SPAG16: variants seen among roughly 807,000 people sequenced by gnomAD.
SPAG16 encodes the protein sperm associated antigen 16, also known as sperm-associated antigen 16 protein.
A neutral mutation model predicts 80.4 loss-of-function variants in SPAG16; 86 were observed. That is an observed-to-expected ratio of 1.07 (90% CI 0.90 to 1.28). The LOEUF (loss-of-function observed/expected upper bound fraction) is 1.28. Among genes scored for constraint, SPAG16 ranks in the 50% most tolerant of loss-of-function variants. The pLI is 0.00. For synonymous variants in SPAG16, 294 were observed against 265.9 expected (o/e 1.11, Z -1.03); for missense variants, 870 against 765.3 (o/e 1.14, Z -1.61).
intron 10 of SPAG16, among the ~76,000 whole-genome samples, chr2:213,812,218 A>G (rs1282147146): frequency 6.6e-6 from 1 of 152,216 alleles, no homozygotes; most frequent in East Asian, 1.9e-4. Context: ...AGTACCAGAG[A>G]AAAAGAGAAG....
intron 12 of SPAG16, among the ~76,000 whole-genome samples, chr2:213,999,051 A>C (rs2124858117): frequency 6.6e-6 from 1 of 152,220 alleles, no homozygotes; most frequent in South Asian, 2.1e-4. Context: ...AAAAAGAAAA[A>C]CCCATTTTCT....
chr2:214,131,461 GCTAA>G (rs1310443733), intron 14 of SPAG16, among the ~76,000 whole-genome samples: 1 of 151,778 alleles, frequency 6.6e-6, no homozygotes, highest in Non-Finnish European at 1.5e-5. Flanking sequence ...GCCAAAAGTG[GCTAA>G]CTAAAAGTCA....
At chr2:214,156,756 T>G (rs1486178760) in intron 15 of SPAG16, among the ~76,000 whole-genome samples, 1 of 152,172 alleles carries the variant, frequency 6.6e-6, no homozygotes, top group East Asian at 1.9e-4. Flanking sequence ...GTCCTGCCCC[T>G]GTACTCTAAC....
intron 11 of SPAG16, among the ~76,000 whole-genome samples, chr2:213,883,923 G>A (rs1407747179): frequency 6.6e-6 from 1 of 152,134 alleles, no homozygotes; most frequent in African/African-American, 2.4e-5. Context: ...TATATCTCTT[G>A]AAGACAGCAG....
intron 9 of SPAG16, among the ~76,000 whole-genome samples, chr2:213,457,107 C>T (rs1421651777): frequency 6.6e-6 from 1 of 152,062 alleles, no homozygotes; most frequent in African/African-American, 2.4e-5. Context: ...AGAAATCATG[C>T]CTTATGAAGT....
chr2:213,535,752 C>A (rs187023867), intron 10 of SPAG16, among the ~76,000 whole-genome samples: 10 of 152,196 alleles, frequency 6.6e-5, no homozygotes, highest in Admixed American at 6.5e-4. Flanking sequence ...AAGAAATGTT[C>A]TTTAGCAATT....
rs138761931 is a variant in SPAG16, at chr2:213,937,328, A to T, written c.1400+7183A>T. On this transcript the variant is annotated intron_variant, in intron 12 of 15. Coordinates refer to ENST00000331683, the MANE Select transcript of SPAG16 (RefSeq NM_024532.5). Reference sequence around the variant, plus strand: ...ATTGGTACATTAATACCTGTCTTATATTGCCAAGATCCCCACTTTGCCTTC... The same window carrying T: ...ATTGGTACATTAATACCTGTCTTATTTTGCCAAGATCCCCACTTTGCCTTC... 6.0e-3 allele frequency among the ~76,000 whole-genome samples: 920 copies of T among 152,168 alleles called. 11 individuals are homozygous for T. The highest frequency in any genetic ancestry group is 0.021 in the African/African-American group (868 of 41,552).
intron 15 of SPAG16, chr2:214,280,577 GT>G (rs1459987712): frequency 4.9e-5 from 10 of 202,550 alleles, no homozygotes; most frequent in Non-Finnish European, 1.0e-4. Context: ...GGCAACTGTT[GT>G]TCGTTTTTTT....
intron 10 of SPAG16, among the ~76,000 whole-genome samples, chr2:213,745,901 T>C (rs1016449413): frequency 2.0e-5 from 3 of 152,238 alleles, no homozygotes; most frequent in African/African-American, 7.2e-5. Flanking sequence ...GATTTTTCTA[T>C]TGTTCATGTT....
chr2:214,263,276 C>T (rs1691311434), intron 15 of SPAG16, among the ~76,000 whole-genome samples: 1 of 152,110 alleles, frequency 6.6e-6, no homozygotes, highest in Non-Finnish European at 1.5e-5. Flanking sequence ...CTTCTTGACT[C>T]AGCATAATCT....
intron 13 of SPAG16, among the ~76,000 whole-genome samples, chr2:214,082,079 C>A (rs1336014461): frequency 1.3e-5 from 2 of 152,122 alleles, no homozygotes; most frequent in African/African-American, 4.8e-5. Flanking sequence ...TGGCACTAAA[C>A]CTTGCCTTTC....
At chr2:214,311,373 G>A (rs1284208768) in intron 15 of SPAG16, among the ~76,000 whole-genome samples, 6 of 152,144 alleles carry the variant, frequency 3.9e-5, no homozygotes, top group Non-Finnish European at 5.9e-5. Context: ...TGCCACCTGA[G>A]TCTGAGTTTG....
chr2:214,261,183 C>T (rs1401879379), intron 15 of SPAG16, among the ~76,000 whole-genome samples: 3 of 143,832 alleles, frequency 2.1e-5, no homozygotes, highest in African/African-American at 5.2e-5. Context: ...CTGCTGCATT[C>T]CTGAAACTCC....
intron 13 of SPAG16, among the ~76,000 whole-genome samples, chr2:214,030,813 G>T (rs2048369038): frequency 6.6e-6 from 1 of 152,128 alleles, no homozygotes; most frequent in African/African-American, 2.4e-5. Context: ...CACCTCAAGG[G>T]TTTTCATCTG....
chr2:213,805,755 A>T (rs2071728089), intron 10 of SPAG16, among the ~76,000 whole-genome samples: 1 of 152,238 alleles, frequency 6.6e-6, no homozygotes, highest in Non-Finnish European at 1.5e-5. Flanking sequence ...TAAAGAGAAG[A>T]TCCCAATATA....
chr2:214,038,901 C>T (rs923055515), intron 13 of SPAG16, among the ~76,000 whole-genome samples: 1 of 152,116 alleles, frequency 6.6e-6, no homozygotes, highest in Admixed American at 6.5e-5. Flanking sequence ...CATAGTATTC[C>T]ATGGTGTATA....
intron 10 of SPAG16, among the ~76,000 whole-genome samples, chr2:213,796,211 AATGT>A (rs1559475771): frequency 6.6e-6 from 1 of 152,004 alleles, no homozygotes; most frequent in Non-Finnish European, 1.5e-5. Context: ...TTAATTCTAC[AATGT>A]AAGGATTTTT....
intron 13 of SPAG16, among the ~76,000 whole-genome samples, chr2:214,059,307 C>T (rs1402863395): frequency 6.8e-6 from 1 of 147,110 alleles, no homozygotes; most frequent in Non-Finnish European, 1.5e-5. Flanking sequence ...ATTTCATCCT[C>T]AGACTTCTGA....
rs533187765 is a variant in SPAG16 at position 213,489,032 on chromosome 2, G to A, written c.943-931G>A. ...GGAGGTTGCAGTGAGCCAAGATCCC[G>A]CCACTGCAATCCATCCTGGGCAACA... is the stretch of plus-strand genomic sequence containing the variant. On this transcript the variant is annotated intron_variant, in intron 9 of 15. Transcript: ENST00000331683. 6.4e-5 allele frequency among the ~76,000 whole-genome samples: 9 copies of A among 140,820 alleles called. No individual in the cohort carries two copies. The South Asian group carries it at 1.2e-3, about 18-fold the overall frequency. 92.4% of individuals were successfully genotyped at this position (140,820 alleles called of 152,430 possible). A position where few individuals can be genotyped will look rare whatever the true frequency, so the allele number is the denominator to read the frequency against.
Sources: allele counts gnomAD v4.1 joint callset (sites outside exome capture counted in the v4.1 genomes callset), GRCh38; gene constraint gnomAD v4.1.1; transcripts MANE v1.5; gene names NCBI Gene and HGNC (gene_info 2026-07-23, HGNC 2026-07-21).